Variants in SV2C observed in about 807,000 individuals in gnomAD.
The protein encoded by SV2C is synaptic vesicle glycoprotein 2C.
SV2C carries 49 observed loss-of-function variants against 79.7 expected under a neutral mutation model. The ratio of observed to expected loss-of-function variants is 0.61; its 90% CI spans 0.49 to 0.78. The LOEUF (loss-of-function observed/expected upper bound fraction) is 0.78. SV2C is among the 30% of genes least tolerant of loss of function. SV2C has a pLI of 0.00. For synonymous variants in SV2C, 334 were observed against 333.2 expected (o/e 1.00, Z -0.03); for missense variants, 833 against 912.9 (o/e 0.91, Z 1.13).
the SV2C span, among the ~76,000 whole-genome samples, chr5:75,887,367 C>G: frequency 1.3e-5 from 2 of 151,970 alleles, no homozygotes; most frequent in Non-Finnish European, 2.9e-5. Flanking sequence ...TCCAGCACCC[C>G]CACCCCAGCC....
intron 12 of SV2C, among the ~76,000 whole-genome samples, chr5:76,351,281 A>T (rs1361013759): frequency 6.6e-6 from 1 of 152,078 alleles, no homozygotes; most frequent in Non-Finnish European, 1.5e-5. Flanking sequence ...CCTTGTCTCT[A>T]CAAAAACAAT....
chr5:76,064,940 CGTAA>C, the SV2C span, among the ~76,000 whole-genome samples: 2 of 152,170 alleles, frequency 1.3e-5, no homozygotes, highest in South Asian at 4.1e-4. Flanking sequence ...TCCTTTTTCT[CGTAA>C]GTATTAGATC....
chr5:76,240,945 C>T (rs571536408), intron 4 of SV2C, among the ~76,000 whole-genome samples: 14 of 152,230 alleles, frequency 9.2e-5, no homozygotes, highest in South Asian at 4.1e-4. Context: ...TACAAACTCC[C>T]AGATCCCACC....
At chr5:76,260,822 A>G (rs1746438498) in intron 4 of SV2C, among the ~76,000 whole-genome samples, 1 of 151,106 alleles carries the variant, frequency 6.6e-6, no homozygotes, top group Admixed American at 6.6e-5. Context: ...TGGTACCAGT[A>G]CCATGCTATC....
intron 12 of SV2C, among the ~76,000 whole-genome samples, chr5:76,342,010 A>T (rs1749451850): frequency 6.6e-6 from 1 of 152,160 alleles, no homozygotes; most frequent in South Asian, 2.1e-4. Flanking sequence ...TGACTTACCC[A>T]CATACCCCAA....
In SV2C at chr5:76,177,404, A is replaced by G. The variant is rs898307839; in HGVS notation, c.581-17515A>G. 2.0e-5 allele frequency among the ~76,000 whole-genome samples: 3 copies of G among 151,782 alleles called. No individual in the cohort carries two copies. In the South Asian group the frequency reaches 6.2e-4, roughly 32 times the overall value. On this transcript the variant is annotated intron_variant, in intron 2 of 12. Coordinates refer to ENST00000502798, the MANE Select transcript of SV2C (RefSeq NM_014979.4). Reference sequence around the variant, plus strand: ...CCCCTATATATACTGTTTTTTCAATATATACATACCCATGGTAAAGTTCAA... The same window carrying G: ...CCCCTATATATACTGTTTTTTCAATGTATACATACCCATGGTAAAGTTCAA...
the SV2C span, among the ~76,000 whole-genome samples, chr5:75,908,393 C>T: frequency 0.017 from 2,538 of 152,330 alleles, 35 homozygotes; most frequent in African/African-American, 0.043. Context: ...TGTATCAGTA[C>T]GTCATTCCTT....
chr5:75,931,157 G>C, the SV2C span, among the ~76,000 whole-genome samples: 1 of 152,100 alleles, frequency 6.6e-6, no homozygotes, highest in Non-Finnish European at 1.5e-5. Flanking sequence ...ACAATAATGA[G>C]CAAACCTTCC....
the SV2C span, among the ~76,000 whole-genome samples, chr5:76,010,150 T>C: frequency 1.3e-5 from 2 of 152,050 alleles, no homozygotes; most frequent in African/African-American, 2.4e-5. Context: ...GTTGAATTAG[T>C]ATGTCATCTT....
chr5:76,048,134 A>T, the SV2C span, among the ~76,000 whole-genome samples: 3 of 152,096 alleles, frequency 2.0e-5, no homozygotes, highest in African/African-American at 7.2e-5. Flanking sequence ...TGTTGATTGA[A>T]TTTTTTTGAG....
chr5:75,901,744 G>C, the SV2C span, among the ~76,000 whole-genome samples: 1 of 152,272 alleles, frequency 6.6e-6, no homozygotes, highest in African/African-American at 2.4e-5. Context: ...GTTCCACCCA[G>C]TTGGAGCTTC....
At chr5:76,134,874 A>G (rs1180666280) in intron 2 of SV2C, among the ~76,000 whole-genome samples, 1 of 152,242 alleles carries the variant, frequency 6.6e-6, no homozygotes, top group Non-Finnish European at 1.5e-5. Context: ...TGTGTAAAGC[A>G]CAGTATTGTC....
chr5:76,175,633 C>G (rs1743502814), intron 2 of SV2C, among the ~76,000 whole-genome samples: 1 of 152,166 alleles, frequency 6.6e-6, no homozygotes, highest in African/African-American at 2.4e-5. Context: ...ATCCTGAGGG[C>G]AGTGGACCTT....
At chr5:75,937,954 TA>T in the SV2C span, among the ~76,000 whole-genome samples, 61 of 151,960 alleles carry the variant, frequency 4.0e-4, 1 homozygote, top group African/African-American at 1.3e-3. Flanking sequence ...TGATAATTGA[TA>T]AAAAAATTGA....
At chr5:76,168,011 T>C (rs1197876922) in intron 2 of SV2C, among the ~76,000 whole-genome samples, 2 of 152,188 alleles carry the variant, frequency 1.3e-5, no homozygotes, top group Admixed American at 1.3e-4. Flanking sequence ...TGCAATGAAA[T>C]CCAGTCGTTT....
chr5:76,320,134 A>G (rs2972853), intron 12 of SV2C, among the ~76,000 whole-genome samples: 10,579 of 151,314 alleles, frequency 0.07, 488 homozygotes, highest in Admixed American at 0.13. Flanking sequence ...CAACATAGCA[A>G]TAGCCTCGTC....
At chr5:76,026,120 A>G in the SV2C span, among the ~76,000 whole-genome samples, 2 of 151,864 alleles carry the variant, frequency 1.3e-5, no homozygotes, top group Non-Finnish European at 1.5e-5. Flanking sequence ...AGGTGAATTG[A>G]GCATGGAAAA....
At chr5:75,972,023 A>C in the SV2C span, among the ~76,000 whole-genome samples, 2 of 152,154 alleles carry the variant, frequency 1.3e-5, no homozygotes, top group Non-Finnish European at 2.9e-5. Flanking sequence ...ATAATGCCGC[A>C]TATCTACAAC....
the SV2C span, among the ~76,000 whole-genome samples, chr5:75,850,859 T>C: frequency 1.3e-5 from 2 of 152,184 alleles, no homozygotes; most frequent in African/African-American, 2.4e-5. Flanking sequence ...ATGCCAGTGT[T>C]GCAGTGAGCT....
Sources: allele counts gnomAD v4.1 joint callset (sites outside exome capture counted in the v4.1 genomes callset), GRCh38; gene constraint gnomAD v4.1.1; transcripts MANE v1.5; gene names NCBI Gene and HGNC (gene_info 2026-07-23, HGNC 2026-07-21).